The following CNTNAP2 variants were observed in gnomAD, a reference collection of about 807,000 sequenced individuals.
CNTNAP2 encodes the protein contactin-associated protein-like 2.
In CNTNAP2, 98 loss-of-function variants were observed where a neutral mutation model predicts 155.2. The ratio of observed to expected loss-of-function variants is 0.63; its 90% CI spans 0.54 to 0.75. The LOEUF (loss-of-function observed/expected upper bound fraction) is 0.75, where lower values mean the gene tolerates loss of function less well. Among genes scored for constraint, CNTNAP2 ranks in the 30% least tolerant of loss-of-function variants. CNTNAP2 has a pLI of 0.00. For synonymous variants in CNTNAP2, 651 were observed against 631.2 expected, an observed-to-expected ratio of 1.03 and a Z score of -0.47; for missense variants, 1,727 against 1,688.1, an observed-to-expected ratio of 1.02 and a Z score of -0.40.
chr7:147,095,555 T>C (rs944145595), intron 4 of CNTNAP2, among the ~76,000 whole-genome samples: 3 of 151,810 alleles, frequency 2.0e-5, no homozygotes, highest in African/African-American at 7.2e-5. Flanking sequence ...TAGTAAGTTC[T>C]ATTTCAAATC....
At chr7:147,610,980 T>C (rs1224461122) in intron 12 of CNTNAP2, among the ~76,000 whole-genome samples, 1 of 152,128 alleles carries the variant, frequency 6.6e-6, no homozygotes, top group African/African-American at 2.4e-5. Context: ...GCTCAAGTGA[T>C]CTGCCCACCT....
intron 1 of CNTNAP2, among the ~76,000 whole-genome samples, chr7:146,120,343 A>G (rs901681830): frequency 2.6e-5 from 4 of 152,188 alleles, no homozygotes; most frequent in Admixed American, 1.3e-4. Flanking sequence ...GCTTAATGCA[A>G]CTAATAATTA....
intron 1 of CNTNAP2, among the ~76,000 whole-genome samples, chr7:146,590,566 T>C (rs1203185579): frequency 2.0e-5 from 3 of 152,194 alleles, no homozygotes; most frequent in Admixed American, 6.5e-5. Flanking sequence ...AAATTCAAAA[T>C]GCTTCCAAAT....
rs1175020683 is a variant in CNTNAP2 at position 146,802,272 on chromosome 7, G to C, written c.208+27891G>C. Among the ~76,000 whole-genome samples the C allele has an allele frequency of 2.6e-5, 4 of 152,124 alleles. No individual in the cohort carries two copies. In the South Asian group the frequency reaches 8.3e-4, roughly 31 times the overall value. On this transcript the variant is annotated intron_variant, in intron 2 of 23. Transcript: ENST00000361727. Reference sequence around the variant, plus strand: ...GCGCATTCAGATTGTTGACAGATCAGTTTCTTGCAGCTGTAGAAATGAGGT... The same window carrying C: ...GCGCATTCAGATTGTTGACAGATCACTTTCTTGCAGCTGTAGAAATGAGGT...
intron 3 of CNTNAP2, among the ~76,000 whole-genome samples, chr7:147,036,861 T>G (rs995427513): frequency 6.6e-6 from 1 of 152,156 alleles, no homozygotes; most frequent in African/African-American, 2.4e-5. Context: ...TTTTTCCTTT[T>G]CACACCTATA....
Position 147,132,469 on chromosome 7 carries a change from C to A in CNTNAP2, c.1308C>A (p.Asn436Lys). 2 of 1,613,636 alleles carry A rather than the reference C, an allele frequency of 1.2e-6. No individual in the cohort carries two copies. The highest frequency in any genetic ancestry group is 8.5e-7 in the Non-Finnish European group (1 of 1,179,710). Residue 436 changes from asparagine to lysine, a missense_variant, in exon 8 of 24, where the codon AAC becomes AAA. Asn to Lys is a moderately conservative substitution (Grantham distance 94, BLOSUM62 0). Transcript: ENST00000361727. ...AAAGCAAAGTGGGTGTTCACATCAA[C>A]ATCACACAGACCAAGATGAGCCAAA... ...LTESKVGVHI[N>K]ITQTKMSQID...
chr7:148,113,523 C>T (rs539860057), intron 15 of CNTNAP2, among the ~76,000 whole-genome samples: 1 of 152,184 alleles, frequency 6.6e-6, no homozygotes, highest in Non-Finnish European at 1.5e-5. Context: ...ATATCCAATA[C>T]CAAATAATCA....
At chr7:148,148,617 G>A (rs1214085450) in intron 17 of CNTNAP2, among the ~76,000 whole-genome samples, 2 of 152,186 alleles carry the variant, frequency 1.3e-5, no homozygotes, top group African/African-American at 4.8e-5. Flanking sequence ...CCTGCCACTT[G>A]GGCTCCACCC....
At chr7:147,178,015 A>G (rs1461278279) in intron 8 of CNTNAP2, among the ~76,000 whole-genome samples, 3 of 151,886 alleles carry the variant, frequency 2.0e-5, no homozygotes, top group Non-Finnish European at 4.4e-5. Context: ...TTACCCCTCA[A>G]CTCTATCTGT....
At chr7:147,572,340 A>G (rs1563003090) in intron 12 of CNTNAP2, among the ~76,000 whole-genome samples, 2 of 152,100 alleles carry the variant, frequency 1.3e-5, no homozygotes, top group African/African-American at 4.8e-5. Flanking sequence ...AGATCCAGTG[A>G]GGCCTACACC....
intron 8 of CNTNAP2, among the ~76,000 whole-genome samples, chr7:147,206,815 A>G (rs923886168): frequency 1.3e-5 from 2 of 152,156 alleles, no homozygotes; most frequent in Admixed American, 6.6e-5. Context: ...TTTATTTATG[A>G]CTATTTATTT....
intron 12 of CNTNAP2, among the ~76,000 whole-genome samples, chr7:147,620,596 G>C (rs557590638): frequency 1.7e-3 from 252 of 151,376 alleles, no homozygotes; most frequent in Non-Finnish European, 2.8e-3. Flanking sequence ...AAGGTAATTG[G>C]CATACTGAAG....
At chr7:147,165,188 A>T (rs951992514) in intron 8 of CNTNAP2, among the ~76,000 whole-genome samples, 32 of 151,972 alleles carry the variant, frequency 2.1e-4, no homozygotes, top group Non-Finnish European at 2.9e-5. Flanking sequence ...CTTTATGGCC[A>T]TTCTTGCAGG....
intron 1 of CNTNAP2, among the ~76,000 whole-genome samples, chr7:146,411,956 C>T (rs1795873026): frequency 6.6e-6 from 1 of 152,018 alleles, no homozygotes; most frequent in African/African-American, 2.4e-5. Context: ...CCTGCCTCAA[C>T]CTCCCGAGTA....
At chr7:147,318,493 T>C (rs1364407540) in intron 9 of CNTNAP2, among the ~76,000 whole-genome samples, 1 of 152,164 alleles carries the variant, frequency 6.6e-6, no homozygotes, top group Non-Finnish European at 1.5e-5. Flanking sequence ...GACACTGTTA[T>C]ACTATGCAGC....
chr7:148,300,595 C>G (rs1375810841), intron 21 of CNTNAP2, among the ~76,000 whole-genome samples: 1 of 141,538 alleles, frequency 7.1e-6, no homozygotes, highest in South Asian at 2.2e-4. Context: ...AAAAAAAAGT[C>G]ACTAAAAGAC....
chr7:146,520,248 A>G (rs1211701498), intron 1 of CNTNAP2, among the ~76,000 whole-genome samples: 1 of 149,252 alleles, frequency 6.7e-6, no homozygotes, highest in African/African-American at 2.4e-5. Flanking sequence ...CTTTTTAAAT[A>G]TTACAGTATT....
intron 2 of CNTNAP2, among the ~76,000 whole-genome samples, chr7:146,811,804 C>T (rs1230950344): frequency 6.6e-6 from 1 of 152,120 alleles, no homozygotes; most frequent in Non-Finnish European, 1.5e-5. Flanking sequence ...CTGCTGTTCT[C>T]ATGATAGTGA....
At chr7:146,568,874 G>A (rs374557220) in intron 1 of CNTNAP2, among the ~76,000 whole-genome samples, 2 of 151,858 alleles carry the variant, frequency 1.3e-5, no homozygotes, top group East Asian at 3.9e-4. Context: ...GAGTAATATC[G>A]TATTAATATT....
Sources: allele counts gnomAD v4.1 joint callset (sites outside exome capture counted in the v4.1 genomes callset), GRCh38; gene constraint gnomAD v4.1.1; transcripts MANE v1.5; gene names NCBI Gene and HGNC (gene_info 2026-07-23, HGNC 2026-07-21).